The following A2M variants were observed in gnomAD, a reference collection of about 807,000 sequenced individuals.
A2M encodes C3 and PZP-like alpha-2-macroglobulin domain-containing protein 5.
A neutral mutation model predicts 183.9 loss-of-function variants in A2M; 128 were observed. The observed-to-expected ratio is 0.70, with a 90% CI of 0.60 to 0.81. The LOEUF (loss-of-function observed/expected upper bound fraction) is 0.81, where lower values mean the gene tolerates loss of function less well. A2M is among the 30% of genes least tolerant of loss of function. The pLI, the probability that A2M is intolerant of heterozygous loss-of-function variation, is 0.00. For synonymous variants in A2M, 592 were observed against 670.8 expected (o/e 0.88, Z 1.81); for missense variants, 1,495 against 1,787.6 (o/e 0.84, Z 2.95).
chr12:9,103,047 T>C (rs1263274889), intron 11 of A2M, among the ~76,000 whole-genome samples: 1 of 152,208 alleles, frequency 6.6e-6, no homozygotes, highest in Non-Finnish European at 1.5e-5. Flanking sequence ...CTGCATGCTA[T>C]ACCGAATAAC....
intron 1 of A2M, chr12:9,115,037 T>A (rs1328674976): frequency 6.6e-6 from 1 of 152,222 alleles, no homozygotes; most frequent in Non-Finnish European, 1.5e-5. Flanking sequence ...TTACTATTTT[T>A]GTTTTGTGTA....
chr12:9,100,681 A>G (rs746180571), intron 13 of A2M, among the ~76,000 whole-genome samples: 242 of 152,368 alleles, frequency 1.6e-3, no homozygotes, highest in Non-Finnish European at 1.6e-3. Flanking sequence ...TCCCTCCCTC[A>G]ACTTTCTTTT....
rs1939077738 is a variant in A2M at position 9,115,822 on chromosome 12, T to G, written c.28A>C (p.Ser10Arg). The G allele has an allele frequency of 1.9e-6, 3 of 1,613,458 alleles. No individual in the cohort carries two copies. In the South Asian group the frequency reaches 3.3e-5, roughly 18 times the overall value. The change falls in exon 1 of 36, where the codon AGT (serine) becomes CGT (arginine). Residue 10 changes from serine (S) to arginine (R), a missense_variant. By Grantham distance (110) the Ser-to-Arg change is moderately radical (BLOSUM62 -1). Coordinates refer to ENST00000318602, the MANE Select transcript of A2M (RefSeq NM_000014.6). The part of the protein sequence containing the change: MGKNKLLHP[S>R]LVLLLLVLLP... Reference sequence around the variant, plus strand: ...AGGACCAAGAGGAGAAGAACCAGACTTGGATGAAGGAGTTTGTTCTTCCCC... The same window carrying G: ...AGGACCAAGAGGAGAAGAACCAGACGTGGATGAAGGAGTTTGTTCTTCCCC...
At chr12:9,092,551 G>A (rs2137803653) in intron 18 of A2M, among the ~76,000 whole-genome samples, 1 of 152,302 alleles carries the variant, frequency 6.6e-6, no homozygotes, top group African/African-American at 2.4e-5. Context: ...GCCTGAAAGG[G>A]AGTATATGGC....
At chr12:9,071,048 G>A (rs968218017) in intron 31 of A2M, among the ~76,000 whole-genome samples, 4 of 151,926 alleles carry the variant, frequency 2.6e-5, no homozygotes, top group African/African-American at 7.3e-5. Context: ...TTGAACTCCC[G>A]ACCTAAGGTA....
At chr12:9,102,554 C>A (rs1937960040) in intron 11 of A2M, among the ~76,000 whole-genome samples, 1 of 152,134 alleles carries the variant, frequency 6.6e-6, no homozygotes, top group South Asian at 2.1e-4. Context: ...AATCTGGATT[C>A]TAATACCTCA....
intron 22 of A2M, among the ~76,000 whole-genome samples, chr12:9,087,454 A>G (rs1440583965): frequency 6.6e-6 from 1 of 152,168 alleles, no homozygotes; most frequent in Non-Finnish European, 1.5e-5. Context: ...GGAAGCTAAA[A>G]CATTCAAATT....
chr12:9,113,105 CTTTT>C (rs11463805), intron 2 of A2M, among the ~76,000 whole-genome samples: 1 of 143,852 alleles, frequency 7.0e-6, no homozygotes, highest in Non-Finnish European at 1.5e-5. Flanking sequence ...GTCACATTTT[CTTTT>C]TTTTTTTTTC....
At chr12:9,093,410 G>T in intron 18 of A2M, 55 bp downstream of exon 18, 1 of 1,244,388 alleles carries the variant, frequency 8.0e-7, no homozygotes. Context: ...GCAAAGAGTT[G>T]AAAATAGTCA....
At chr12:9,107,703 G>GC in intron 7 of A2M, 59 bp from the exon 8 acceptor site, 1 of 1,592,484 alleles carries the variant, frequency 6.3e-7, no homozygotes, top group Non-Finnish European at 8.6e-7. Flanking sequence ...CCATTTTCTA[G>GC]CTATTTATAT....
chr12:9,101,118 A>C, intron 13 of A2M, 26 bp downstream of exon 13: 1 of 1,552,594 alleles, frequency 6.4e-7, no homozygotes, highest in African/African-American at 1.4e-5. Flanking sequence ...ATGGGGCAGC[A>C]ATGCAGAGAT....
At chr12:9,078,394 T>C (rs1565581663) in intron 25 of A2M, among the ~76,000 whole-genome samples, 1 of 152,248 alleles carries the variant, frequency 6.6e-6, no homozygotes, top group Non-Finnish European at 1.5e-5. Context: ...TGCTGCATAG[T>C]ATTCCATGAT....
At chr12:9,112,594 T>C in intron 2 of A2M, 58 bp from the exon 3 acceptor site, 1 of 1,590,940 alleles carries the variant, frequency 6.3e-7, no homozygotes, top group Non-Finnish European at 8.6e-7. Flanking sequence ...TCCTCCCCTA[T>C]TTGCTGTTGC....
At chr12:9,114,798 T>C (rs946276891) in intron 1 of A2M, among the ~76,000 whole-genome samples, 3 of 152,146 alleles carry the variant, frequency 2.0e-5, no homozygotes, top group African/African-American at 7.2e-5. Context: ...TTAAATAGAA[T>C]GTAACCATAA....
rs1400763905 is a variant in A2M at position 9,079,640 on chromosome 12, A to G, written c.3030T>C (p.Thr1010=). 6.2e-7 allele frequency: 1 copy of G among 1,611,676 alleles called. No individual in the cohort carries two copies. The highest frequency in any genetic ancestry group is 8.5e-7 in the Non-Finnish European group (1 of 1,178,908). The change falls in exon 24 of 36, where the codon ACT becomes ACC. Residue 1010 remains threonine (T), a splice_region_variant and synonymous_variant. Transcript: ENST00000318602. The part of the protein sequence containing the change: ...IKSKAIGYLN[T]GYQRQLNYKH... ...TCCCTTACTCAAGTAATCACTCACC[A>G]GTGTTGAGATAGCCAATGGCCTTGG...
chr12:9,089,989 T>G lies in A2M; in HGVS notation c.2631A>C (p.Leu877=), dbSNP rs1265288062. 6.2e-7 allele frequency: 1 copy of G among 1,606,092 alleles called. No homozygotes were observed. The highest frequency in any genetic ancestry group is 2.2e-5 in the East Asian group (1 of 44,606). Reference sequence around the variant, plus strand: ...CAGTCCCACACAGCTCTTGAGACTCTAGTGCCTCTGCGCTCACAGTGAAAT... The same window carrying G: ...CAGTCCCACACAGCTCTTGAGACTCGAGTGCCTCTGCGCTCACAGTGAAAT... The part of the protein sequence containing the change: ...NVNFTVSAEA[L]ESQELCGTEV... The change falls in exon 21 of 36, where the codon CTA becomes CTC. Residue 877 remains leucine (L), a synonymous_variant. Coordinates refer to ENST00000318602, the MANE Select transcript of A2M (RefSeq NM_000014.6).
At chr12:9,095,218 G>A in intron 16 of A2M, 134 bp from the exon 17 acceptor site, 1 of 527,534 alleles carries the variant, frequency 1.9e-6, no homozygotes, top group Non-Finnish European at 3.2e-6. Flanking sequence ...TCTGTAGAAG[G>A]GATATTTATA....
chr12:9,077,922 C>A, intron 25 of A2M, 65 bp from the exon 26 acceptor site: 1 of 1,593,618 alleles, frequency 6.3e-7, no homozygotes, highest in Non-Finnish European at 8.6e-7. Flanking sequence ...CACTTCACAG[C>A]AACAGGCTTC....
chr12:9,073,371 G>A (rs1197715743), intron 29 of A2M, among the ~76,000 whole-genome samples: 1 of 152,208 alleles, frequency 6.6e-6, no homozygotes, highest in Non-Finnish European at 1.5e-5. Flanking sequence ...AATAAAAGAT[G>A]AGTATTATAA....
Sources: allele counts gnomAD v4.1 joint callset (sites outside exome capture counted in the v4.1 genomes callset), GRCh38; gene constraint gnomAD v4.1.1; transcripts MANE v1.5; gene names NCBI Gene and HGNC (gene_info 2026-07-23, HGNC 2026-07-21).